NSD3: variants seen among roughly 807,000 people sequenced by gnomAD.
The protein encoded by NSD3 is nuclear receptor binding SET domain protein 3, also known as histone-lysine N-methyltransferase NSD3.
A neutral mutation model predicts 160.8 loss-of-function variants in NSD3; 24 were observed. The ratio of observed to expected loss-of-function variants is 0.15; its 90% CI spans 0.11 to 0.21. NSD3 has a LOEUF of 0.21. NSD3 is among the 10% of genes least tolerant of loss of function. The probability of loss-of-function intolerance (pLI) is 1.00; values close to 1 mark genes in which losing one functional copy is unlikely to be tolerated. For synonymous variants in NSD3, 520 were observed against 600.0 expected (o/e 0.87, Z 1.95); for missense variants, 1,157 against 1,735.9 (o/e 0.67, Z 5.93).
chr8:38,338,405 C>A, intron 3 of NSD3, 131 bp downstream of exon 3: 5 of 737,018 alleles, frequency 6.8e-6, no homozygotes, highest in Non-Finnish European at 1.2e-5. Flanking sequence ...CAAACCAGCT[C>A]CAAGACTTAT....
At chr8:38,334,931 C>T (rs1241763072) in intron 4 of NSD3, among the ~76,000 whole-genome samples, 5 of 151,200 alleles carry the variant, frequency 3.3e-5, no homozygotes, top group Admixed American at 6.6e-5. Flanking sequence ...TAAACAAAAT[C>T]GGTTTTTCCA....
At chr8:38,328,714 G>A (rs1194230206) in intron 6 of NSD3, among the ~76,000 whole-genome samples, 3 of 152,262 alleles carry the variant, frequency 2.0e-5, no homozygotes, top group Admixed American at 6.5e-5. Flanking sequence ...AGAGGTACAC[G>A]GAATAAATAC....
chr8:38,373,063 AG>A (rs1811295246), intron 1 of NSD3, among the ~76,000 whole-genome samples: 1 of 150,156 alleles, frequency 6.7e-6, no homozygotes, highest in Non-Finnish European at 1.5e-5. Flanking sequence ...AAAAAAAAAA[AG>A]AAAGAAAGAA....
intron 12 of NSD3, among the ~76,000 whole-genome samples, chr8:38,314,082 A>G (rs1328666216): frequency 1.3e-5 from 2 of 152,188 alleles, no homozygotes; most frequent in Non-Finnish European, 2.9e-5. Context: ...GTGACAGATT[A>G]AACAACTACG....
At chr8:38,380,448 T>C (rs1049847031) in intron 1 of NSD3, among the ~76,000 whole-genome samples, 3 of 152,230 alleles carry the variant, frequency 2.0e-5, no homozygotes, top group African/African-American at 7.2e-5. Flanking sequence ...AGAAAACATG[T>C]TGACTGCTTC....
intron 1 of NSD3, among the ~76,000 whole-genome samples, chr8:38,362,481 T>G (rs1811000743): frequency 2.0e-5 from 3 of 152,144 alleles, no homozygotes; most frequent in Admixed American, 6.5e-5. Flanking sequence ...TTTTAAACTT[T>G]TTAAAAAGTT....
In NSD3 at chr8:38,275,430, T is replaced by G. The variant is rs1352478648; in HGVS notation, c.*211A>C. ...AAGGCAAGAAAAGACCAAGGGAATT[T>G]AACCCTCCACAAAAGAATCCCAAAC... On this transcript the variant is annotated 3_prime_UTR_variant, in exon 24 of 24. Coordinates refer to ENST00000317025, the MANE Select transcript of NSD3 (RefSeq NM_023034.2). The G allele has an allele frequency of 3.7e-6, 2 of 538,576 alleles. No homozygotes were observed. Among genetic ancestry groups the G allele is most frequent in the Non-Finnish European group, 6.6e-6 (2 of 305,156 alleles). The allele number at this position is 538,576 out of a possible 1,614,324, so 33.4% of individuals were successfully genotyped here.
rs1363872227 is a variant in NSD3, at chr8:38,319,480, A to G, written c.1810-540T>C. 6.6e-6 allele frequency among the ~76,000 whole-genome samples: 1 copy of G among 152,142 alleles called. No individual in the cohort carries two copies. Among genetic ancestry groups the G allele is most frequent in the Non-Finnish European group, 1.5e-5 (1 of 68,036 alleles). ...CTCAATACTTTTGCTGCTAGTACAAACTTAAGAAAATAAGTTTGTGATATT... is the reference window on the plus strand; with the variant it reads ...CTCAATACTTTTGCTGCTAGTACAAGCTTAAGAAAATAAGTTTGTGATATT... On this transcript the variant is annotated intron_variant, in intron 8 of 23. Transcript: ENST00000317025. The surrounding 1 kb of genome is among the most constrained non-coding windows in gnomAD (Gnocchi z 4.1).
chr8:38,279,249 CT>C (rs1483911968), intron 21 of NSD3, among the ~76,000 whole-genome samples: 3 of 152,230 alleles, frequency 2.0e-5, no homozygotes, highest in Non-Finnish European at 1.5e-5. Context: ...CAGCAGCTAA[CT>C]TGGAGAATTC....
intron 2 of NSD3, among the ~76,000 whole-genome samples, chr8:38,344,925 T>C (rs1300548227): frequency 6.6e-6 from 1 of 152,146 alleles, no homozygotes; most frequent in African/African-American, 2.4e-5. Flanking sequence ...TTAAAACAAC[T>C]GTCCTGAAGG....
chr8:38,294,032 T>C (rs559314803), intron 16 of NSD3, among the ~76,000 whole-genome samples: 1 of 151,948 alleles, frequency 6.6e-6, no homozygotes, highest in South Asian at 2.1e-4. Flanking sequence ...CTATTTTCTT[T>C]GTAAAATGAT....
chr8:38,327,106 T>C (rs1430978339), intron 6 of NSD3, among the ~76,000 whole-genome samples: 3 of 151,904 alleles, frequency 2.0e-5, no homozygotes, highest in Non-Finnish European at 2.9e-5. Flanking sequence ...CTGGAGTGCA[T>C]GGTGTGATCT....
chr8:38,380,413 T>C (rs1022557921), intron 1 of NSD3, among the ~76,000 whole-genome samples: 1 of 152,184 alleles, frequency 6.6e-6, no homozygotes, highest in Non-Finnish European at 1.5e-5. Flanking sequence ...ACCGATGCAA[T>C]TTCCTTGTTT....
chr8:38,272,325 T>G lies in NSD3; in HGVS notation c.*3316A>C, dbSNP rs1808501580. On this transcript the variant is annotated 3_prime_UTR_variant, in exon 24 of 24. Transcript: ENST00000317025. Reference sequence around the variant, plus strand: ...GCCAGATCATTTTTGAGAATTAAGATAAGAGTGGGAACTTGTTAAAACAAA... The same window carrying G: ...GCCAGATCATTTTTGAGAATTAAGAGAAGAGTGGGAACTTGTTAAAACAAA... 2 of 152,020 alleles carry G rather than the reference T, an allele frequency of 1.3e-5. No individual in the cohort carries two copies. The highest frequency in any genetic ancestry group is 4.1e-4 in the South Asian group (2 of 4,834). 9.4% of individuals were successfully genotyped at this position (152,020 alleles called of 1,614,324 possible). A position where few individuals can be genotyped will look rare whatever the true frequency, so the allele number is the denominator to read the frequency against.
intron 14 of NSD3, among the ~76,000 whole-genome samples, chr8:38,300,508 A>G (rs957877910): frequency 6.6e-6 from 1 of 152,264 alleles, no homozygotes; most frequent in Admixed American, 6.5e-5. Flanking sequence ...CCTGAACTTT[A>G]CTGAGGTAAT....
chr8:38,337,178 G>T, intron 4 of NSD3, 127 bp downstream of exon 4: 24 of 806,254 alleles, frequency 3.0e-5, no homozygotes, highest in Non-Finnish European at 3.9e-5. Flanking sequence ...CCACAAAACT[G>T]ATACGGATAT....
chr8:38,307,605 G>A (rs1456959343), intron 12 of NSD3, among the ~76,000 whole-genome samples: 6 of 152,210 alleles, frequency 3.9e-5, no homozygotes, highest in Non-Finnish European at 7.4e-5. Flanking sequence ...ATGTATACTA[G>A]GGCACTATGC....
At chr8:38,298,530 C>CTGTG (rs143129228) in intron 15 of NSD3, among the ~76,000 whole-genome samples, 2,181 of 145,498 alleles carry the variant, frequency 0.015, 36 homozygotes, top group Admixed American at 0.054. Flanking sequence ...AATACACCTA[C>CTGTG]TGTGTGTGTG....
intron 4 of NSD3, among the ~76,000 whole-genome samples, chr8:38,332,295 CTTTAA>C (rs1810080279): frequency 1.3e-5 from 2 of 151,742 alleles, no homozygotes; most frequent in Admixed American, 6.6e-5. Flanking sequence ...ATTTTCTCAG[CTTTAA>C]TTTCTTTTTT....
Sources: allele counts gnomAD v4.1 joint callset (sites outside exome capture counted in the v4.1 genomes callset), GRCh38; gene constraint gnomAD v4.1.1; non-coding constraint Gnocchi (gnomAD v3.1); transcripts MANE v1.5; gene names NCBI Gene and HGNC (gene_info 2026-07-23, HGNC 2026-07-21).